PTPRS: variants seen among roughly 807,000 people sequenced by gnomAD.
The protein encoded by PTPRS is receptor-type tyrosine-protein phosphatase S.
A neutral mutation model predicts 215.3 loss-of-function variants in PTPRS; 63 were observed. The ratio of observed to expected loss-of-function variants is 0.29; its 90% CI spans 0.24 to 0.36. The LOEUF is 0.36. PTPRS is among the 10% of genes least tolerant of loss of function. The pLI is 1.00. For missense variants in PTPRS, 2,258 were observed against 2,825.8 expected, an observed-to-expected ratio of 0.80 and a Z score of 4.56; for synonymous variants, 1,404 against 1,191.4, an observed-to-expected ratio of 1.18 and a Z score of -3.68.
At chr19:5,331,983 G>A (rs1355070347) in intron 1 of PTPRS, among the ~76,000 whole-genome samples, 1 of 152,154 alleles carries the variant, frequency 6.6e-6, no homozygotes, top group Non-Finnish European at 1.5e-5. Flanking sequence ...CACAGGCCTG[G>A]AAACTGAGGC....
At chr19:5,261,691 C>T (rs1316700936) in intron 6 of PTPRS, among the ~76,000 whole-genome samples, 1 of 152,140 alleles carries the variant, frequency 6.6e-6, no homozygotes, top group African/African-American at 2.4e-5. Context: ...TGCAGACGGG[C>T]CAACTGAGGC....
At chr19:5,223,867 T>A (rs1169671241) in intron 17 of PTPRS, among the ~76,000 whole-genome samples, 1 of 149,226 alleles carries the variant, frequency 6.7e-6, no homozygotes, top group Non-Finnish European at 1.5e-5. Context: ...CAGCCTGGGG[T>A]TGTGATTTTT....
rs771669241 is a variant in PTPRS, at chr19:5,257,974, CG to C, written c.706+42del. ...AGCCCGAGGAGGGAGGGGGATGGGACGGGGCGGGTCCCTGCCTTTGACCTGG... is the reference window on the plus strand; with the variant it reads ...AGCCCGAGGAGGGAGGGGGATGGGACGGGCGGGTCCCTGCCTTTGACCTGG... On this transcript the variant is annotated intron_variant, in intron 8 of 37. Transcript: ENST00000262963. The surrounding 1 kb of genome is among the most constrained non-coding windows in gnomAD (Gnocchi z 4.4). 6.6e-7 allele frequency: 1 copy of C among 1,515,008 alleles called. No individual in the cohort carries two copies. The highest frequency in any genetic ancestry group is 2.3e-5 in the East Asian group (1 of 42,824). The allele number at this position is 1,515,008 out of a possible 1,614,324, so 93.8% of individuals were successfully genotyped here.
intron 1 of PTPRS, among the ~76,000 whole-genome samples, chr19:5,311,856 T>A (rs945979061): frequency 6.6e-6 from 1 of 151,878 alleles, no homozygotes; most frequent in Non-Finnish European, 1.5e-5. Flanking sequence ...CTGGCTAACA[T>A]GGTGAAACCC....
In PTPRS at chr19:5,270,975, G is replaced by A. The variant is rs117735936; in HGVS notation, c.379+2467C>T. Among the ~76,000 whole-genome samples the A allele has an allele frequency of 1.4e-3, 216 of 152,240 alleles. 2 individuals are homozygous for A. In the East Asian group the frequency reaches 0.036, roughly 25 times the overall value. On this transcript the variant is annotated intron_variant, in intron 4 of 37. Transcript: ENST00000262963. ...TCCTGGATGACTGTACAGGTCACTC[G>A]CCTGTGATGCCAGTCCCAGTTTCAT... is the stretch of plus-strand genomic sequence containing the variant.
intron 13 of PTPRS, among the ~76,000 whole-genome samples, chr19:5,238,028 G>A (rs1339801059): frequency 1.3e-5 from 2 of 152,144 alleles, no homozygotes; most frequent in African/African-American, 2.4e-5. Flanking sequence ...AAAGCCTGGG[G>A]TGGCTACGCC....
intron 1 of PTPRS, among the ~76,000 whole-genome samples, chr19:5,303,212 C>T (rs1326763534): frequency 2.0e-5 from 3 of 152,196 alleles, no homozygotes; most frequent in Non-Finnish European, 4.4e-5. Context: ...GTTTCCCCAT[C>T]TAAGCACCAG....
At chr19:5,286,812 C>A (rs1295999379) in intron 1 of PTPRS, among the ~76,000 whole-genome samples, 1 of 152,036 alleles carries the variant, frequency 6.6e-6, no homozygotes, top group Non-Finnish European at 1.5e-5. Flanking sequence ...GTCCCCAACC[C>A]AGGCTGGGCC....
At chr19:5,247,677 G>A (rs1403094162) in intron 9 of PTPRS, among the ~76,000 whole-genome samples, 3 of 152,050 alleles carry the variant, frequency 2.0e-5, no homozygotes, top group Non-Finnish European at 4.4e-5. Context: ...GGGAGGTGCA[G>A]CCTCAGGGGG....
intron 1 of PTPRS, among the ~76,000 whole-genome samples, chr19:5,292,966 CAG>C (rs1346014430): frequency 6.6e-6 from 1 of 152,076 alleles, no homozygotes; most frequent in African/African-American, 2.4e-5. Context: ...GGGGGGGCGC[CAG>C]GCAGCAGCAG....
chr19:5,289,396 C>G (rs1176108419), intron 1 of PTPRS, among the ~76,000 whole-genome samples: 3 of 152,198 alleles, frequency 2.0e-5, no homozygotes, highest in African/African-American at 7.2e-5. Context: ...AGCTCCCGCC[C>G]TTGTCCCTTG....
At chr19:5,221,389 A>ACTGATCC in intron 19 of PTPRS, 136 bp from the exon 20 acceptor site, 1 of 1,138,890 alleles carries the variant, frequency 8.8e-7, no homozygotes, top group Non-Finnish European at 1.2e-6. Flanking sequence ...TCTAACACTG[A>ACTGATCC]CTGATCCCTG....
In PTPRS at chr19:5,219,235, T is replaced by C; in HGVS notation, c.3923+75A>G. ...ACAGAGACCTTTAGTGATGATTCTC[T>C]GAGACAACTCCTCCCTCCTTTTCCA... On this transcript the variant is annotated intron_variant, in intron 23 of 37. Coordinates refer to ENST00000262963, the MANE Select transcript of PTPRS (RefSeq NM_002850.4). The C allele has an allele frequency of 8.9e-6, 14 of 1,572,488 alleles. 1 individual carries two copies. The South Asian group carries it at 1.6e-4, about 18-fold the overall frequency.
At position 5,264,906 on chromosome 19, in the gene PTPRS, C is replaced by CT. The variant is rs1264995658; in HGVS notation, c.568+101dup. 1.3e-4 allele frequency: 175 copies of CT among 1,355,116 alleles called. No homozygotes were observed. In the Admixed American group the frequency reaches 2.1e-3, roughly 16 times the overall value. The allele number at this position is 1,355,116 out of a possible 1,614,324, so 83.9% of individuals were successfully genotyped here. ...CGCCTGCCACGGCCACACACTGTCT[C>CT]TGTCTGTCCTCCAGTAGTCCCCAGA... On this transcript the variant is annotated intron_variant, in intron 5 of 37. Coordinates refer to ENST00000262963, the MANE Select transcript of PTPRS (RefSeq NM_002850.4).
At chr19:5,329,180 T>G (rs1600138417) in intron 1 of PTPRS, among the ~76,000 whole-genome samples, 1 of 148,362 alleles carries the variant, frequency 6.7e-6, no homozygotes, top group African/African-American at 2.5e-5. Context: ...GGCCTGGAGG[T>G]GGAAACAGGA....
At chr19:5,225,544 C>T (rs1465871048) in intron 17 of PTPRS, among the ~76,000 whole-genome samples, 183 bp downstream of exon 17, 4 of 128,810 alleles carry the variant, frequency 3.1e-5, no homozygotes, top group Non-Finnish European at 5.0e-5. Context: ...GAGGCAGGGG[C>T]GGGGGGGGCC....
chr19:5,276,127 A>T (rs1189450314), intron 2 of PTPRS, among the ~76,000 whole-genome samples: 1 of 152,186 alleles, frequency 6.6e-6, no homozygotes, highest in Admixed American at 6.5e-5. Flanking sequence ...GCTCCTTTGA[A>T]CCAGCCTGGC....
At position 5,211,974 on chromosome 19, in the gene PTPRS, G is replaced by T; in HGVS notation, c.5046C>A (p.Leu1682=). The T allele has an allele frequency of 1.9e-6, 3 of 1,602,922 alleles. No homozygotes were observed. Among genetic ancestry groups the T allele is most frequent in the Non-Finnish European group, 1.7e-6 (2 of 1,175,150 alleles). The change falls in exon 32 of 38, where the codon CTC becomes CTA. Residue 1682 remains leucine (L), a synonymous_variant. Coordinates refer to ENST00000262963, the MANE Select transcript of PTPRS (RefSeq NM_002850.4). ...TCCACCCCGCTGGCACCTTGAACTC[G>T]AGTTCCATGCCAGTGACGTGTTCGC... ...EPGEHVTGME[L]EFKRLANSKA...
At chr19:5,273,946 GT>G (rs2146594471) in intron 3 of PTPRS, among the ~76,000 whole-genome samples, 1 of 152,350 alleles carries the variant, frequency 6.6e-6, no homozygotes, top group East Asian at 1.9e-4. Context: ...TCTGTGTGCA[GT>G]GGTGCTGTGT....
Sources: allele counts gnomAD v4.1 joint callset (sites outside exome capture counted in the v4.1 genomes callset), GRCh38; gene constraint gnomAD v4.1.1; non-coding constraint Gnocchi (gnomAD v3.1); transcripts MANE v1.5; gene names NCBI Gene and HGNC (gene_info 2026-07-23, HGNC 2026-07-21).